Variants in PTPRD observed in about 807,000 individuals in gnomAD.
PTPRD encodes the protein receptor-type tyrosine-protein phosphatase delta.
PTPRD carries 34 observed loss-of-function variants against 214.5 expected under a neutral mutation model. The ratio of observed to expected loss-of-function variants is 0.16; its 90% CI spans 0.12 to 0.21. The LOEUF (loss-of-function observed/expected upper bound fraction) is 0.21, where lower values mean the gene tolerates loss of function less well. Ranked by LOEUF, PTPRD falls within the 10% of genes least tolerant of loss-of-function variation. PTPRD has a pLI of 1.00. For missense variants in PTPRD, 2,545 were observed against 2,398.7 expected (o/e 1.06, Z -1.27); for synonymous variants, 1,128 against 845.7 (o/e 1.33, Z -5.79).
At chr9:9,923,705 C>G (rs755874222) in intron 5 of PTPRD, among the ~76,000 whole-genome samples, 3 of 151,952 alleles carry the variant, frequency 2.0e-5, no homozygotes, top group South Asian at 2.1e-4. Flanking sequence ...CAAGAAAATG[C>G]TCAATCAGAT....
chr9:9,696,917 G>T (rs150078269), intron 7 of PTPRD, among the ~76,000 whole-genome samples: 1 of 152,028 alleles, frequency 6.6e-6, no homozygotes, highest in African/African-American at 2.4e-5. Flanking sequence ...TTCTCTGATT[G>T]TATATTTTGG....
intron 11 of PTPRD, among the ~76,000 whole-genome samples, chr9:8,863,317 T>G (rs2098138831): frequency 6.6e-6 from 1 of 152,200 alleles, no homozygotes; most frequent in Admixed American, 6.5e-5. Context: ...ATTAAATTCT[T>G]TAGTAGACTG....
chr9:10,047,656 A>G (rs2097431652), intron 3 of PTPRD, among the ~76,000 whole-genome samples: 1 of 152,010 alleles, frequency 6.6e-6, no homozygotes. Context: ...AAACATTGAA[A>G]TTTCATTTTT....
At chr9:10,533,910 A>G (rs2134869534) in intron 2 of PTPRD, among the ~76,000 whole-genome samples, 1 of 151,728 alleles carries the variant, frequency 6.6e-6, no homozygotes, top group East Asian at 1.9e-4. Flanking sequence ...TTTATTAGGA[A>G]GTTTTTTTTA....
chr9:9,609,980 T>C (rs1001003676), intron 7 of PTPRD, among the ~76,000 whole-genome samples: 8 of 152,228 alleles, frequency 5.3e-5, no homozygotes, highest in Non-Finnish European at 1.2e-4. Context: ...CTTCTACTCA[T>C]GGCATATATT....
chr9:8,707,863 C>T (rs1456692653), intron 12 of PTPRD, among the ~76,000 whole-genome samples: 1 of 152,200 alleles, frequency 6.6e-6, no homozygotes, highest in Non-Finnish European at 1.5e-5. Context: ...CCACATCTCT[C>T]GGCTTACCTA....
intron 11 of PTPRD, among the ~76,000 whole-genome samples, chr9:8,735,306 G>C (rs1044526330): frequency 6.6e-5 from 10 of 151,528 alleles, no homozygotes; most frequent in African/African-American, 2.4e-4. Flanking sequence ...ACCATGCCTG[G>C]GTAATTTTTG....
At chr9:9,457,681 T>G (rs1230831445) in intron 8 of PTPRD, among the ~76,000 whole-genome samples, 4 of 152,116 alleles carry the variant, frequency 2.6e-5, no homozygotes, top group Non-Finnish European at 4.4e-5. Flanking sequence ...ACATGTTACA[T>G]ATATTTAACT....
chr9:9,237,637 T>TA (rs2099967697), intron 9 of PTPRD, among the ~76,000 whole-genome samples: 1 of 151,706 alleles, frequency 6.6e-6, no homozygotes, highest in Non-Finnish European at 1.5e-5. Flanking sequence ...TTTGCAATAA[T>TA]TTTTTTTTAA....
chr9:9,698,351 T>C (rs1318536948), intron 7 of PTPRD, among the ~76,000 whole-genome samples: 1 of 152,198 alleles, frequency 6.6e-6, no homozygotes, highest in African/African-American at 2.4e-5. Flanking sequence ...TACTTTCTCC[T>C]TTTTAGCACT....
At chr9:8,358,313 T>G (rs1480794640) in intron 39 of PTPRD, among the ~76,000 whole-genome samples, 1 of 152,182 alleles carries the variant, frequency 6.6e-6, no homozygotes, top group Non-Finnish European at 1.5e-5. Context: ...TCTTACTGGT[T>G]AAAATAGTTT....
intron 9 of PTPRD, among the ~76,000 whole-genome samples, chr9:9,371,745 C>T (rs563353540): frequency 6.6e-6 from 1 of 152,088 alleles, no homozygotes; most frequent in Non-Finnish European, 1.5e-5. Context: ...CTCTTGTGGG[C>T]ATTTAGTGCT....
chr9:8,359,372 T>G (rs1312369196), intron 39 of PTPRD, among the ~76,000 whole-genome samples: 1 of 152,006 alleles, frequency 6.6e-6, no homozygotes, highest in Non-Finnish European at 1.5e-5. Flanking sequence ...TTGCCCAGGC[T>G]GGAGTGCAGT....
chr9:10,063,116 C>A (rs557005692), intron 3 of PTPRD, among the ~76,000 whole-genome samples: 2 of 152,110 alleles, frequency 1.3e-5, no homozygotes, highest in African/African-American at 4.8e-5. Flanking sequence ...CAGTAGGAAT[C>A]GACTGTACCA....
intron 11 of PTPRD, among the ~76,000 whole-genome samples, chr9:8,906,426 G>C (rs902797138): frequency 6.6e-6 from 1 of 152,066 alleles, no homozygotes; most frequent in African/African-American, 2.4e-5. Flanking sequence ...ACTTTGTCTT[G>C]ATATAGTTCA....
intron 35 of PTPRD, among the ~76,000 whole-genome samples, chr9:8,421,370 T>TTCTCTC (rs1554921173): frequency 9.2e-4 from 135 of 146,750 alleles, no homozygotes; most frequent in Middle Eastern, 3.4e-3. Flanking sequence ...TTCTCTTCTC[T>TTCTCTC]TCTCTCTCTC....
intron 3 of PTPRD, among the ~76,000 whole-genome samples, chr9:10,208,957 A>T (rs1217289804): frequency 6.6e-6 from 1 of 152,208 alleles, no homozygotes; most frequent in Non-Finnish European, 1.5e-5. Context: ...AGGTGACAAA[A>T]CAAAATGATA....
At chr9:9,049,403 C>T (rs947655255) in intron 10 of PTPRD, among the ~76,000 whole-genome samples, 1 of 152,096 alleles carries the variant, frequency 6.6e-6, no homozygotes, top group Admixed American at 6.6e-5. Flanking sequence ...GTTAACCAAC[C>T]TCTTTATTTG....
intron 9 of PTPRD, among the ~76,000 whole-genome samples, chr9:9,325,917 T>C (rs566601462): frequency 2.2e-4 from 34 of 152,344 alleles, no homozygotes; most frequent in Non-Finnish European, 3.8e-4. Context: ...TGTTGAACTT[T>C]GTCAAAGGCC....
Sources: allele counts gnomAD v4.1 joint callset (sites outside exome capture counted in the v4.1 genomes callset), GRCh38; gene constraint gnomAD v4.1.1; transcripts MANE v1.5; gene names NCBI Gene and HGNC (gene_info 2026-07-23, HGNC 2026-07-21).